The following PGLYRP3 variants were observed in gnomAD, a reference collection of about 807,000 sequenced individuals.
PGLYRP3 encodes the protein peptidoglycan recognition protein 3.
PGLYRP3 carries 39 observed loss-of-function variants against 36.0 expected under a neutral mutation model. That is an observed-to-expected ratio of 1.08 (90% CI 0.84 to 1.41). The LOEUF is 1.41. Ranked by LOEUF, PGLYRP3 falls within the 40% of genes most tolerant of loss-of-function variation. The pLI is 0.00. For missense variants in PGLYRP3, 407 were observed against 427.9 expected (o/e 0.95, Z 0.43); for synonymous variants, 204 against 172.8 (o/e 1.18, Z -1.42).
intron 4 of PGLYRP3, among the ~76,000 whole-genome samples, chr1:153,304,476 G>A (rs1424394760): frequency 1.3e-5 from 2 of 152,224 alleles, no homozygotes; most frequent in East Asian, 1.9e-4. Context: ...GGCAGGTGCT[G>A]GTTCCATATG....
Position 153,299,148 on chromosome 1 carries a change from A to C in PGLYRP3, c.812T>G (p.Ile271Ser), listed in dbSNP as rs2101508573. ...GCCGATGAAGGCAATTCCTAGGGCA[A>C]TATCGTTGAATCCATAAGTGTGAGA... ...QGSHTYGFND[I>S]ALGIAFIGYF... The change falls in exon 7 of 8, where the codon ATT becomes AGT. Residue 271 changes from isoleucine (I) to serine (S), a missense_variant. Coordinates refer to ENST00000683862, the MANE Select transcript of PGLYRP3 (RefSeq NM_052891.3). The C allele has an allele frequency of 3.7e-6, 6 of 1,614,168 alleles. No individual in the cohort carries two copies. The East Asian group carries it at 1.3e-4, about 36-fold the overall frequency.
In PGLYRP3 at chr1:153,299,192, A is replaced by T; in HGVS notation, c.768T>A (p.Val256=). 3 of 1,614,074 alleles carry T rather than the reference A, an allele frequency of 1.9e-6. No individual in the cohort carries two copies. Among genetic ancestry groups the T allele is most frequent in the Non-Finnish European group, 2.5e-6 (3 of 1,179,986 alleles). Residue 256 remains valine (V), a synonymous_variant, in exon 7 of 8, where the codon GTT becomes GTA. Coordinates refer to ENST00000683862, the MANE Select transcript of PGLYRP3 (RefSeq NM_052891.3). ...VGQDGGVYEG[V]GWHIQGSHTY... ...TGTGAGAGCCTTGGATGTGCCATCC[A>T]ACCCCTTCATACACGCCACCATCCT...
chr1:153,299,123 G>A lies in PGLYRP3; in HGVS notation c.837C>T (p.Gly279=), dbSNP rs1343394336. The A allele has an allele frequency of 1.9e-6, 3 of 1,613,758 alleles. No homozygotes were observed. The African/African-American group carries it at 4.0e-5, about 22-fold the overall frequency. ...ATGCTCACCCCTTACCTACAAAGTA[G>A]CCGATGAAGGCAATTCCTAGGGCAA... The part of the protein sequence containing the change: ...NDIALGIAFI[G]YFVEKPPNAA... Residue 279 remains glycine, a synonymous_variant, in exon 7 of 8, where the codon GGC becomes GGT. Transcript: ENST00000683862.
chr1:153,303,918 C>T lies in PGLYRP3; in HGVS notation c.468G>A (p.Gln156=). The T allele has an allele frequency of 6.2e-7, 1 of 1,613,986 alleles. No individual in the cohort carries two copies. The highest frequency in any genetic ancestry group is 8.5e-7 in the Non-Finnish European group (1 of 1,179,974). ...QKGHLSPRYI[Q]PLLLKEETCL... ...AGGTCTCTTCTTTCAGAAGAAGTGG[C>T]TGAATATACCTGGGCGACAGGTGAC... The change falls in exon 5 of 8, where the codon CAG becomes CAA. Residue 156 remains glutamine, a synonymous_variant. Coordinates refer to ENST00000683862, the MANE Select transcript of PGLYRP3 (RefSeq NM_052891.3).
At chr1:153,312,105 A>G (rs1451107951) in intron 1 of PGLYRP3, among the ~76,000 whole-genome samples, 1 of 152,200 alleles carries the variant, frequency 6.6e-6, no homozygotes, top group Non-Finnish European at 1.5e-5. Flanking sequence ...TGCTTCCACA[A>G]CCATGAAACG....
intron 3 of PGLYRP3, among the ~76,000 whole-genome samples, 160 bp downstream of exon 3, chr1:153,306,906 C>T (rs1347751295): frequency 6.6e-6 from 1 of 152,188 alleles, no homozygotes; most frequent in African/African-American, 2.4e-5. Context: ...CTTACAATCC[C>T]CGAAGGATTC....
At position 153,297,954 on chromosome 1, in the gene PGLYRP3, C is replaced by CT. The variant is rs1230818467; in HGVS notation, c.*1dup. ...GCAGTCTCAAAGGGAGTGGGGCCTC[C>CT]TTCAGTGCTTGAAATGAGGCCAGGT... On this transcript the variant is annotated 3_prime_UTR_variant, in exon 8 of 8. Coordinates refer to ENST00000683862, the MANE Select transcript of PGLYRP3 (RefSeq NM_052891.3). 1 of 1,613,450 alleles carries CT rather than the reference C, an allele frequency of 6.2e-7. No homozygotes were observed. Among genetic ancestry groups the CT allele is most frequent in the Non-Finnish European group, 8.5e-7 (1 of 1,179,724 alleles).
chr1:153,307,002 G>A, intron 3 of PGLYRP3, 64 bp downstream of exon 3: 1 of 1,491,898 alleles, frequency 6.7e-7, no homozygotes, highest in Admixed American at 1.7e-5. Flanking sequence ...CCACAGAGAA[G>A]GGGAAGTGGG....
intron 4 of PGLYRP3, among the ~76,000 whole-genome samples, 160 bp downstream of exon 4, chr1:153,304,787 A>G (rs1030958446): frequency 5.9e-5 from 9 of 152,276 alleles, no homozygotes; most frequent in African/African-American, 2.2e-4. Flanking sequence ...AAAAGTATGC[A>G]TGTCACAGGA....
At chr1:153,308,380 A>C (rs1323701201) in intron 2 of PGLYRP3, among the ~76,000 whole-genome samples, 3 of 152,246 alleles carry the variant, frequency 2.0e-5, no homozygotes, top group East Asian at 3.9e-4. Context: ...AGGATGATCC[A>C]TGGGAGTGGT....
chr1:153,310,794 C>T lies in PGLYRP3; in HGVS notation c.-41-88G>A, dbSNP rs1307914443. 7.1e-6 allele frequency: 6 copies of T among 850,706 alleles called. No homozygotes were observed. The African/African-American group carries it at 8.6e-5, about 12-fold the overall frequency. The allele number at this position is 850,706 out of a possible 1,614,324, so 52.7% of individuals were successfully genotyped here. On this transcript the variant is annotated intron_variant, in intron 1 of 7. Coordinates refer to ENST00000683862, the MANE Select transcript of PGLYRP3 (RefSeq NM_052891.3). ...TATGTGGCACCACTGTCTGCCTCCC[C>T]TACCATCCTGTGGCTTCCTGAGGGC...
chr1:153,310,017 A>G (rs1659856691), intron 2 of PGLYRP3, among the ~76,000 whole-genome samples: 1 of 152,242 alleles, frequency 6.6e-6, no homozygotes, highest in Non-Finnish European at 1.5e-5. Flanking sequence ...GGGTCTGTGT[A>G]TGTAAAACAA....
Position 153,299,180 on chromosome 1 carries a change from G to A in PGLYRP3, c.780C>T (p.Ile260=). 6.2e-7 allele frequency: 1 copy of A among 1,614,014 alleles called. No homozygotes were observed. Residue 260 remains isoleucine, a synonymous_variant, in exon 7 of 8, where the codon ATC becomes ATT. Transcript: ENST00000683862. ...TGAATCCATAAGTGTGAGAGCCTTG[G>A]ATGTGCCATCCAACCCCTTCATACA... is the stretch of plus-strand genomic sequence containing the variant. ...GGVYEGVGWH[I]QGSHTYGFND...
intron 6 of PGLYRP3, among the ~76,000 whole-genome samples, chr1:153,299,500 C>T (rs1423650476): frequency 6.6e-6 from 1 of 152,110 alleles, no homozygotes. Context: ...GTACAATGGA[C>T]ACTTACTTTA....
rs1156834199 is a variant in PGLYRP3 at position 153,306,815 on chromosome 1, G to A, written c.257+251C>T. Among the ~76,000 whole-genome samples, 3 of 152,212 alleles carry A rather than the reference G, an allele frequency of 2.0e-5. No homozygotes were observed. In the East Asian group the frequency reaches 5.8e-4, roughly 29 times the overall value. On this transcript the variant is annotated intron_variant, in intron 3 of 7. Coordinates refer to ENST00000683862, the MANE Select transcript of PGLYRP3 (RefSeq NM_052891.3). ...TTCCAAGGACTCAGTTAAAACTGCA[G>A]TTGTTACGTAACCTTCCTTGCTTTT...
At chr1:153,305,208 C>A (rs757480766) in intron 3 of PGLYRP3, 143 bp from the exon 4 acceptor site, 13 of 589,356 alleles carry the variant, frequency 2.2e-5, no homozygotes, top group Non-Finnish European at 3.8e-5. Flanking sequence ...GCAGAATAAC[C>A]AGTTTTAGAC....
chr1:153,304,046 A>G, intron 4 of PGLYRP3, 37 bp from the exon 5 acceptor site: 1 of 1,587,650 alleles, frequency 6.3e-7, no homozygotes, highest in Non-Finnish European at 8.6e-7. Flanking sequence ...AAATGTCAGT[A>G]AGAAACTCCA....
At chr1:153,310,541 A>G (rs1212294884) in intron 2 of PGLYRP3, 70 bp downstream of exon 2, 24 of 1,506,774 alleles carry the variant, frequency 1.6e-5, no homozygotes, top group Admixed American at 3.4e-5. Flanking sequence ...ATGGGTTTCT[A>G]TTATTAAACT....
chr1:153,299,473 T>A (rs1294813404), intron 6 of PGLYRP3, among the ~76,000 whole-genome samples: 2 of 152,212 alleles, frequency 1.3e-5, no homozygotes, highest in African/African-American at 4.8e-5. Flanking sequence ...AGGTGAGCAG[T>A]GGCTTCCTGG....
Sources: gnomAD v4.1 joint callset for allele counts (sites outside exome capture counted in the v4.1 genomes callset) on GRCh38, gnomAD v4.1.1 for gene constraint, MANE v1.5 for transcripts, NCBI Gene and HGNC (gene_info 2026-07-23, HGNC 2026-07-21) for gene names.